The following FAF2 variants were observed in gnomAD, a reference collection of about 807,000 sequenced individuals.
FAF2 encodes Fas associated factor family member 2, also known as FAS-associated factor 2.
Under a neutral mutation model 62.3 loss-of-function variants are expected in FAF2, and 9 were observed. The ratio of observed to expected loss-of-function variants is 0.14; its 90% confidence interval spans 0.09 to 0.25. FAF2 has a LOEUF of 0.25. FAF2 is among the 10% of genes least tolerant of loss of function. The probability of loss-of-function intolerance (pLI) is 1.00; values close to 1 mark genes in which losing one functional copy is unlikely to be tolerated. For synonymous variants in FAF2, 202 were observed against 198.0 expected (o/e 1.02, Z -0.17); for missense variants, 368 against 556.2 (o/e 0.66, Z 3.40).
chr5:176,492,417 C>A, intron 5 of FAF2, 85 bp downstream of exon 5: 1 of 1,397,576 alleles, frequency 7.2e-7, no homozygotes, highest in Non-Finnish European at 9.4e-7. Context: ...TGATCATGTC[C>A]TTCTTGTACT....
At chr5:176,451,890 ATATTTTTTTTTTTTT>A (rs1758192890) in intron 1 of FAF2, among the ~76,000 whole-genome samples, 34 of 34,214 alleles carry the variant, frequency 9.9e-4, no homozygotes, top group Middle Eastern at 0.014. Flanking sequence ...ATATATATAT[ATATTTTTTTTTTTTT>A]TTTTTTTTTT....
chr5:176,492,494 T>C (rs1478463457), intron 5 of FAF2, among the ~76,000 whole-genome samples, 162 bp downstream of exon 5: 1 of 152,230 alleles, frequency 6.6e-6, no homozygotes, highest in African/African-American at 2.4e-5. Flanking sequence ...ACCTTTTAGC[T>C]GGCCCCTCTT....
chr5:176,466,723 G>A (rs1561817871), intron 1 of FAF2, among the ~76,000 whole-genome samples: 1 of 151,416 alleles, frequency 6.6e-6, no homozygotes, highest in Non-Finnish European at 1.5e-5. Context: ...GGGAGAGGAG[G>A]AAGTTTGACC....
rs894505859 is a variant in FAF2, at chr5:176,494,342, G to A, written c.661+67G>A. 32 of 1,290,396 alleles carry A rather than the reference G, an allele frequency of 2.5e-5. No homozygotes were observed. Among genetic ancestry groups the A allele is most frequent in the Non-Finnish European group, 3.5e-5 (31 of 886,638 alleles). 79.9% of individuals were successfully genotyped at this position (1,290,396 alleles called of 1,614,324 possible). A position where few individuals can be genotyped will look rare whatever the true frequency, so the allele number is the denominator to read the frequency against. ...TCTTTGGAATAGTCTGGAAAGACAT[G>A]CCATGCCATTTATTACAAGTGTGTT... On this transcript the variant is annotated intron_variant, in intron 7 of 10. Coordinates refer to ENST00000261942, the MANE Select transcript of FAF2 (RefSeq NM_014613.3). The surrounding 1 kb of genome is among the most constrained non-coding windows in gnomAD (Gnocchi z 4.0).
intron 1 of FAF2, among the ~76,000 whole-genome samples, chr5:176,458,381 C>T (rs1432990299): frequency 1.4e-5 from 2 of 145,336 alleles, no homozygotes; most frequent in Admixed American, 7.0e-5. Flanking sequence ...CACGTCTGGC[C>T]TCAGAATAAT....
chr5:176,459,528 T>C (rs1006978983), intron 1 of FAF2, among the ~76,000 whole-genome samples: 6 of 152,130 alleles, frequency 3.9e-5, no homozygotes, highest in Admixed American at 1.3e-4. Context: ...GCTTCTTTTT[T>C]GTTTGTTTGT....
At chr5:176,478,882 A>G (rs1045806607) in intron 1 of FAF2, among the ~76,000 whole-genome samples, 2 of 152,248 alleles carry the variant, frequency 1.3e-5, no homozygotes, top group Admixed American at 1.3e-4. Flanking sequence ...TATTTTGCTT[A>G]GCCCACAGGT....
At chr5:176,488,422 T>C (rs1432482300) in intron 3 of FAF2, among the ~76,000 whole-genome samples, 1 of 152,126 alleles carries the variant, frequency 6.6e-6, no homozygotes, top group Non-Finnish European at 1.5e-5. Flanking sequence ...TTGGTTTTTA[T>C]TTGTTTGTTT....
intron 1 of FAF2, among the ~76,000 whole-genome samples, chr5:176,450,355 GT>G (rs1201154294): frequency 3.3e-5 from 5 of 152,158 alleles, no homozygotes; most frequent in African/African-American, 4.8e-5. Context: ...CAATTTCAGA[GT>G]GTTGTTTAAC....
chr5:176,480,778 A>G (rs553421701), intron 2 of FAF2, among the ~76,000 whole-genome samples: 134 of 134,770 alleles, frequency 9.9e-4, no homozygotes, highest in African/African-American at 3.5e-3. Context: ...CCGGAGGGGA[A>G]CATCACACAC....
At chr5:176,459,586 A>C (rs1258634378) in intron 1 of FAF2, among the ~76,000 whole-genome samples, 1 of 152,102 alleles carries the variant, frequency 6.6e-6, no homozygotes, top group Non-Finnish European at 1.5e-5. Flanking sequence ...GCAGCAATGT[A>C]GGGGAAGGAG....
chr5:176,485,721 T>G (rs1758863494), intron 2 of FAF2, among the ~76,000 whole-genome samples: 1 of 152,130 alleles, frequency 6.6e-6, no homozygotes, highest in South Asian at 2.1e-4. Context: ...GCTCATATGT[T>G]TTTTTCTTCT....
intron 1 of FAF2, among the ~76,000 whole-genome samples, chr5:176,469,400 T>C (rs971296707): frequency 6.6e-6 from 1 of 152,246 alleles, no homozygotes; most frequent in Non-Finnish European, 1.5e-5. Context: ...AAACATTATT[T>C]TATTGCTGAG....
At chr5:176,499,128 C>A in intron 9 of FAF2, 43 bp downstream of exon 9, 1 of 1,503,602 alleles carries the variant, frequency 6.7e-7, no homozygotes, top group South Asian at 1.3e-5. Context: ...CCCAAACTGC[C>A]GAGACTTTGC....
At chr5:176,476,796 C>G (rs1758700568) in intron 1 of FAF2, among the ~76,000 whole-genome samples, 1 of 143,658 alleles carries the variant, frequency 7.0e-6, no homozygotes, top group Non-Finnish European at 1.5e-5. Context: ...CACCACCATG[C>G]TGAACTAATT....
In FAF2 at chr5:176,451,786, GTA is replaced by G. The variant is rs1175263570; in HGVS notation, c.63+3327_63+3328del. 1.7e-3 allele frequency among the ~76,000 whole-genome samples: 105 copies of G among 61,904 alleles called. 4 individuals carry two copies. Among genetic ancestry groups the G allele is most frequent in the African/African-American group, 3.1e-3 (59 of 18,832 alleles). 40.6% of individuals were successfully genotyped at this position (61,904 alleles called of 152,430 possible). A position where few individuals can be genotyped will look rare whatever the true frequency, so the allele number is the denominator to read the frequency against. ...TATACATATATATACGTGTGTGTGT[GTA>G]TATATATATACATATATATATACAC... is the stretch of plus-strand genomic sequence containing the variant. On this transcript the variant is annotated intron_variant, in intron 1 of 10. Transcript: ENST00000261942.
At chr5:176,475,717 G>A (rs928994309) in intron 1 of FAF2, among the ~76,000 whole-genome samples, 1 of 151,818 alleles carries the variant, frequency 6.6e-6, no homozygotes, top group Admixed American at 6.6e-5. Flanking sequence ...GCAGTGAGCC[G>A]AGACCGTGCC....
chr5:176,471,880 G>T (rs12054970), intron 1 of FAF2, among the ~76,000 whole-genome samples: 1 of 150,998 alleles, frequency 6.6e-6, no homozygotes, highest in African/African-American at 2.4e-5. Context: ...TAGTAGAGAC[G>T]GGGTTTCACC....
At chr5:176,505,581 A>G (rs548445211) in intron 10 of FAF2, among the ~76,000 whole-genome samples, 45 of 152,164 alleles carry the variant, frequency 3.0e-4, no homozygotes, top group Non-Finnish European at 5.9e-4. Flanking sequence ...AGTATACACT[A>G]TACCCTATTT....
Sources: allele counts gnomAD v4.1 joint callset (sites outside exome capture counted in the v4.1 genomes callset), GRCh38; gene constraint gnomAD v4.1.1; non-coding constraint Gnocchi (gnomAD v3.1); transcripts MANE v1.5; gene names NCBI Gene and HGNC (gene_info 2026-07-23, HGNC 2026-07-21).